The following BIRC6 variants were observed in gnomAD, a reference collection of about 807,000 sequenced individuals.
The protein encoded by BIRC6 is baculoviral IAP repeat containing 6.
Under a neutral mutation model 503.3 loss-of-function variants are expected in BIRC6, and 98 were observed. The ratio of observed to expected loss-of-function variants is 0.19; its 90% confidence interval spans 0.17 to 0.23. The LOEUF is 0.23. BIRC6 is among the 10% of genes least tolerant of loss of function. The pLI is 1.00. For synonymous variants in BIRC6, 2,240 were observed against 2,078.7 expected (o/e 1.08, Z -2.11); for missense variants, 5,360 against 5,806.0 (o/e 0.92, Z 2.50).
At chr2:32,451,607 G>T (rs1404062031) in intron 22 of BIRC6, among the ~76,000 whole-genome samples, 1 of 152,128 alleles carries the variant, frequency 6.6e-6, no homozygotes, top group Admixed American at 6.5e-5. Flanking sequence ...TGATACATAT[G>T]CATAGAGTAC....
At chr2:32,417,211 C>T (rs2150047995) in intron 10 of BIRC6, among the ~76,000 whole-genome samples, 2 of 152,270 alleles carry the variant, frequency 1.3e-5, no homozygotes, top group African/African-American at 4.8e-5. Context: ...CTCACTGCAG[C>T]CTCAACCTCC....
intron 65 of BIRC6, among the ~76,000 whole-genome samples, chr2:32,572,366 A>C (rs892041024): frequency 6.6e-6 from 1 of 152,168 alleles, no homozygotes; most frequent in Non-Finnish European, 1.5e-5. Context: ...TTATTGTTTG[A>C]TTATGGTATT....
Position 32,567,112 on chromosome 2 carries a change from A to G in BIRC6, c.13145-8044A>G, listed in dbSNP as rs951594745. Among the ~76,000 whole-genome samples, 9 of 152,104 alleles carry G rather than the reference A, an allele frequency of 5.9e-5. 2 individuals carry two copies. Among genetic ancestry groups the G allele is most frequent in the East Asian group, 5.8e-4 (3 of 5,192 alleles). ...CAGCCTCCCGATTAGCTGGGATTACAGGCGCACACCACCACACCTGGCTGT... is the reference window on the plus strand; with the variant it reads ...CAGCCTCCCGATTAGCTGGGATTACGGGCGCACACCACCACACCTGGCTGT... On this transcript the variant is annotated intron_variant, in intron 65 of 73. Coordinates refer to ENST00000421745, the MANE Select transcript of BIRC6 (RefSeq NM_016252.4).
intron 5 of BIRC6, among the ~76,000 whole-genome samples, chr2:32,393,350 A>G (rs2039482712): frequency 6.6e-6 from 1 of 152,178 alleles, no homozygotes; most frequent in Non-Finnish European, 1.5e-5. Flanking sequence ...GCTGAATTAG[A>G]GGGAAGTTAA....
chr2:32,457,382 T>A (rs1249345022), intron 23 of BIRC6, among the ~76,000 whole-genome samples: 2 of 152,198 alleles, frequency 1.3e-5, no homozygotes, highest in Non-Finnish European at 2.9e-5. Flanking sequence ...CTCATTGTCC[T>A]GATGGTTGGT....
chr2:32,407,777 CA>C (rs1478235249), intron 9 of BIRC6, among the ~76,000 whole-genome samples: 1 of 151,036 alleles, frequency 6.6e-6, no homozygotes, highest in African/African-American at 2.4e-5. Flanking sequence ...TAGCAATGAA[CA>C]AAAAAAATCA....
chr2:32,553,651 A>G (rs765257380), intron 65 of BIRC6, among the ~76,000 whole-genome samples: 1 of 151,954 alleles, frequency 6.6e-6, no homozygotes, highest in Non-Finnish European at 1.5e-5. Flanking sequence ...CGGCCTCCCA[A>G]AGTGGTGGGA....
Position 32,357,187 on chromosome 2 carries a change from C to G in BIRC6, c.26C>G (p.Pro9Arg). The part of the protein sequence containing the change: MVTGGGAA[P>R]PGTVTEPLPS... ...ATGGTGACTGGTGGTGGTGCTGCAC[C>G]TCCCGGGACTGTCACTGAGCCGCTT... The change falls in exon 1 of 74, where the codon CCT (proline) becomes CGT (arginine). Residue 9 changes from proline to arginine, a missense_variant. Physicochemically the swap from Pro to Arg is moderately radical, Grantham distance 103. Coordinates refer to ENST00000421745, the MANE Select transcript of BIRC6 (RefSeq NM_016252.4). The surrounding 1 kb of genome is among the most constrained non-coding windows in gnomAD (Gnocchi z 4.9). The G allele has an allele frequency of 6.5e-7, 1 of 1,534,580 alleles. No homozygotes were observed. Among genetic ancestry groups the G allele is most frequent in the South Asian group, 1.2e-5 (1 of 82,486 alleles).
intron 1 of BIRC6, among the ~76,000 whole-genome samples, chr2:32,369,584 C>T (rs1325178925): frequency 5.3e-5 from 8 of 151,630 alleles, no homozygotes; most frequent in Admixed American, 2.6e-4. Context: ...CACACCACCA[C>T]GCCCGGCTAA....
At chr2:32,580,488 T>C (rs901325785) in intron 66 of BIRC6, among the ~76,000 whole-genome samples, 2 of 152,142 alleles carry the variant, frequency 1.3e-5, no homozygotes, top group African/African-American at 4.8e-5. Context: ...TGCCTGAGCA[T>C]AGTGTAGCTG....
chr2:32,468,821 A>G (rs1178784609), intron 29 of BIRC6, 38 bp downstream of exon 29: 1 of 1,419,864 alleles, frequency 7.0e-7, no homozygotes, highest in South Asian at 1.4e-5. Context: ...GGCTGGGAAT[A>G]TACTTGATGT....
Position 32,508,002 on chromosome 2 carries a change from T to G in BIRC6, c.9723T>G (p.Val3241=). 6.2e-7 allele frequency: 1 copy of G among 1,613,778 alleles called. No individual in the cohort carries two copies. The highest frequency in any genetic ancestry group is 1.3e-5 in the African/African-American group (1 of 75,022). The change falls in exon 51 of 74, where the codon GTT becomes GTG. Residue 3241 remains valine, a synonymous_variant. Transcript: ENST00000421745. The stretch of plus-strand genomic sequence containing the variant: ...TAGCCTGCCCTTCCTCAGTGTCTGT[T>G]GAAGTAAGTGCAGATGGGGTAAATA... ...SLATCPSSVS[V]EVSADGVNML...
At chr2:32,371,414 GC>G (rs1165667750) in intron 1 of BIRC6, among the ~76,000 whole-genome samples, 2 of 150,600 alleles carry the variant, frequency 1.3e-5, no homozygotes, top group African/African-American at 4.9e-5. Context: ...TCGCTCTGTT[GC>G]CCAGGCTGGA....
chr2:32,461,759 C>T lies in BIRC6; in HGVS notation c.4754-1435C>T, dbSNP rs2148833673. Among the ~76,000 whole-genome samples the T allele has an allele frequency of 1.3e-5, 2 of 152,164 alleles. 1 individual carries two copies. The highest frequency in any genetic ancestry group is 1.3e-4 in the Admixed American group (2 of 15,288). On this transcript the variant is annotated intron_variant, in intron 23 of 73. Transcript: ENST00000421745. The stretch of plus-strand genomic sequence containing the variant: ...GCTGTTAGATTGCCTGGATTTTCCC[C>T]TTTATCCACTACCTATGAGCAAATT...
chr2:32,515,365 T>A lies in BIRC6; in HGVS notation c.10944T>A (p.Ser3648=), dbSNP rs377422476. 109 of 1,613,628 alleles carry A rather than the reference T, an allele frequency of 6.8e-5. No individual in the cohort carries two copies. Among genetic ancestry groups the A allele is most frequent in the Non-Finnish European group, 8.5e-5 (100 of 1,179,906 alleles). ...CTAGTTTCTGCTTTAGCCACATTTC[T>A]AGCTCAGAAAGCATTGCCCAGTCAA... ...SLASFCFSHI[S]SSESIAQSID... is the part of the protein sequence containing the mutation. The change falls in exon 55 of 74, where the codon TCT becomes TCA. Residue 3648 remains serine, a synonymous_variant. Coordinates refer to ENST00000421745, the MANE Select transcript of BIRC6 (RefSeq NM_016252.4).
intron 4 of BIRC6, among the ~76,000 whole-genome samples, chr2:32,390,129 G>A (rs1352156003): frequency 6.6e-6 from 1 of 151,678 alleles, no homozygotes; most frequent in Non-Finnish European, 1.5e-5. Context: ...CAAAGTGCTG[G>A]GATTACAGGC....
chr2:32,543,906 C>G (rs967013592), intron 62 of BIRC6, among the ~76,000 whole-genome samples: 25 of 152,130 alleles, frequency 1.6e-4, no homozygotes, highest in Non-Finnish European at 5.9e-5. Flanking sequence ...CTTCAGTACT[C>G]TTGAGTGCAG....
chr2:32,606,445 T>C (rs1199098290), intron 71 of BIRC6, among the ~76,000 whole-genome samples: 1 of 149,916 alleles, frequency 6.7e-6, no homozygotes, highest in African/African-American at 2.5e-5. Flanking sequence ...AAAAAAAAAT[T>C]AGCCCTGCTT....
intron 11 of BIRC6, 32 bp downstream of exon 11, chr2:32,429,327 A>C (rs1416294997): frequency 1.4e-6 from 2 of 1,405,660 alleles, no homozygotes; most frequent in Non-Finnish European, 1.9e-6. Context: ...TGATTTTAAA[A>C]AAAGAATAGG....
Sources: allele counts gnomAD v4.1 joint callset (sites outside exome capture counted in the v4.1 genomes callset), GRCh38; gene constraint gnomAD v4.1.1; non-coding constraint Gnocchi (gnomAD v3.1); transcripts MANE v1.5; gene names NCBI Gene and HGNC (gene_info 2026-07-23, HGNC 2026-07-21).